Variants in FAM90A20 observed in about 807,000 individuals in gnomAD.
FAM90A20 encodes protein FAM90A20.
the FAM90A20 span, chr8:7,295,560 C>G: frequency 9.3e-5 from 62 of 669,526 alleles, 6 homozygotes; most frequent in Admixed American, 1.2e-3. Context: ...ACAATCCATC[C>G]CAATGTTAAC....
the FAM90A20 span, chr8:7,297,753 C>G: frequency 1.4e-6 from 2 of 1,479,706 alleles, no homozygotes; most frequent in South Asian, 2.2e-5. Flanking sequence ...ACTGCCCAGG[C>G]CTGCACCATG....
At chr8:7,297,006 T>C in the FAM90A20 span, 13 of 1,406,964 alleles carry the variant, frequency 9.2e-6, 1 homozygote, top group South Asian at 1.6e-4. Flanking sequence ...GTGTTTGATT[T>C]TCATGTTGGC....
At chr8:7,295,673 A>G in the FAM90A20 span, 1 of 724,336 alleles carries the variant, frequency 1.4e-6, no homozygotes, top group Non-Finnish European at 2.4e-6. Flanking sequence ...CACGGCCAGA[A>G]GTACCAGGTG....
chr8:7,295,665 C>G, the FAM90A20 span: 3 of 717,818 alleles, frequency 4.2e-6, no homozygotes, highest in South Asian at 2.8e-5. Context: ...TTTGGCCACA[C>G]GGCCAGAAGT....
At chr8:7,297,744 C>T in the FAM90A20 span, 4 of 1,482,962 alleles carry the variant, frequency 2.7e-6, no homozygotes, top group South Asian at 1.1e-5. Context: ...TGCCTGCCTA[C>T]TGCCCAGGCC....
At chr8:7,297,765 C>T in the FAM90A20 span, 5 of 1,471,202 alleles carry the variant, frequency 3.4e-6, 2 homozygotes, top group African/African-American at 4.1e-5. Context: ...TGCACCATGT[C>T]CCATCACCCA....
At chr8:7,297,465 G>A in the FAM90A20 span, 5 of 1,548,276 alleles carry the variant, frequency 3.2e-6, 1 homozygote, top group Non-Finnish European at 4.4e-6. Flanking sequence ...CACAGCTTGG[G>A]CCTAGGCTCC....
chr8:7,297,032 T>A, the FAM90A20 span: 1 of 1,462,864 alleles, frequency 6.8e-7, no homozygotes, highest in Non-Finnish European at 9.1e-7. Flanking sequence ...GCTGAGGAAC[T>A]TCTAACCTGT....
chr8:7,296,881 C>T, the FAM90A20 span, among the ~76,000 whole-genome samples: 3 of 136,802 alleles, frequency 2.2e-5, 1 homozygote, highest in African/African-American at 6.9e-5. Context: ...GATAGCGCAT[C>T]GTTCATGTGT....
At chr8:7,297,750 A>T in the FAM90A20 span, 1 of 1,483,474 alleles carries the variant, frequency 6.7e-7, no homozygotes, top group Non-Finnish European at 9.1e-7. Flanking sequence ...CCTACTGCCC[A>T]GGCCTGCACC....
the FAM90A20 span, chr8:7,297,107 C>T: frequency 2.9e-4 from 429 of 1,501,916 alleles, 21 homozygotes; most frequent in East Asian, 6.0e-3. Context: ...TAAGAGGCCG[C>T]GCATGGACCC....
the FAM90A20 span, chr8:7,297,500 A>G: frequency 1.3e-6 from 2 of 1,519,474 alleles, no homozygotes; most frequent in Middle Eastern, 2.3e-4. Flanking sequence ...GTCAGGAGCC[A>G]AGAGACCTGC....
At chr8:7,296,761 A>G in the FAM90A20 span, among the ~76,000 whole-genome samples, 1 of 134,702 alleles carries the variant, frequency 7.4e-6, no homozygotes, top group Non-Finnish European at 1.5e-5. Context: ...TCGGAAAGCC[A>G]TTAGTCCGTT....
chr8:7,296,677 G>A, the FAM90A20 span, among the ~76,000 whole-genome samples: 10 of 135,464 alleles, frequency 7.4e-5, 5 homozygotes, highest in African/African-American at 3.5e-4. Context: ...CGCAAACGTG[G>A]AGAAGGCTAA....
At chr8:7,295,478 C>A in the FAM90A20 span, among the ~76,000 whole-genome samples, 1 of 116,114 alleles carries the variant, frequency 8.6e-6, no homozygotes, top group Admixed American at 7.9e-5. Context: ...ACATCGTATC[C>A]GAACTCTCCC....
the FAM90A20 span, chr8:7,295,722 C>T: frequency 2.1e-6 from 2 of 954,318 alleles, no homozygotes; most frequent in Non-Finnish European, 3.2e-6. Context: ...GTTCCAGCGA[C>T]CTTGGGGAAA....
At chr8:7,296,103 G>T in the FAM90A20 span, among the ~76,000 whole-genome samples, 4 of 130,858 alleles carry the variant, frequency 3.1e-5, 1 homozygote, top group Non-Finnish European at 4.6e-5. Context: ...TCCTTAGTTG[G>T]GAAGCCTAGA....
At chr8:7,295,535 T>A in the FAM90A20 span, 11 of 615,910 alleles carry the variant, frequency 1.8e-5, no homozygotes, top group Non-Finnish European at 5.7e-6. Flanking sequence ...GGAATCCTTA[T>A]TCAGCTCTGA....
chr8:7,296,667 C>T, the FAM90A20 span, among the ~76,000 whole-genome samples: 1 of 134,662 alleles, frequency 7.4e-6, no homozygotes, highest in Non-Finnish European at 1.5e-5. Context: ...CCTCAGAGGC[C>T]GCAAACGTGG....
Sources: allele counts gnomAD v4.1 joint callset (sites outside exome capture counted in the v4.1 genomes callset), GRCh38; gene constraint gnomAD v4.1.1; transcripts MANE v1.5; gene names NCBI Gene and HGNC (gene_info 2026-07-23, HGNC 2026-07-21).